ELMO1: variants seen among roughly 807,000 people sequenced by gnomAD.
ELMO1 encodes engulfment and cell motility protein 1.
ELMO1 carries 26 observed loss-of-function variants against 98.9 expected under a neutral mutation model. The observed-to-expected ratio is 0.26, with a 90% CI of 0.19 to 0.36. The LOEUF is 0.36. ELMO1 is among the 10% of genes least tolerant of loss of function. The pLI is 1.00. For synonymous variants in ELMO1, 346 were observed against 346.0 expected (o/e 1.00, Z 0.00); for missense variants, 627 against 935.2 (o/e 0.67, Z 4.30).
chr7:37,143,903 G>A (rs1318752398), intron 13 of ELMO1, among the ~76,000 whole-genome samples: 1 of 151,668 alleles, frequency 6.6e-6, no homozygotes, highest in Non-Finnish European at 1.5e-5. Flanking sequence ...TAGAGACAGG[G>A]TTTCCTCATG....
chr7:37,210,152 TAGAC>T (rs774271265), intron 13 of ELMO1, among the ~76,000 whole-genome samples: 50 of 152,238 alleles, frequency 3.3e-4, no homozygotes, highest in Non-Finnish European at 5.1e-4. Context: ...GGAAAGCAAT[TAGAC>T]AGTATCAAAA....
At chr7:37,076,751 G>A (rs1210988945) in intron 15 of ELMO1, among the ~76,000 whole-genome samples, 2 of 152,136 alleles carry the variant, frequency 1.3e-5, no homozygotes, top group Non-Finnish European at 1.5e-5. Context: ...ACCTCCTTCC[G>A]ACTGCCAGTG....
intron 16 of ELMO1, among the ~76,000 whole-genome samples, chr7:36,988,630 A>T (rs1329002525): frequency 6.6e-6 from 1 of 152,234 alleles, no homozygotes; most frequent in Non-Finnish European, 1.5e-5. Context: ...ATTTCAGAGA[A>T]AGTGACATCA....
intron 4 of ELMO1, among the ~76,000 whole-genome samples, chr7:37,301,013 A>G (rs879328290): frequency 6.6e-6 from 1 of 151,980 alleles, no homozygotes; most frequent in Middle Eastern, 3.4e-3. Context: ...GTATGTGTCG[A>G]GGAATTTATC....
At chr7:36,858,163 T>C (rs551118521) in intron 21 of ELMO1, among the ~76,000 whole-genome samples, 2 of 152,358 alleles carry the variant, frequency 1.3e-5, no homozygotes, top group South Asian at 2.1e-4. Flanking sequence ...GCCTACCATA[T>C]GTAAATTGTA....
Position 36,855,625 on chromosome 7 carries a change from T to G in ELMO1, c.2110A>C (p.Ile704Leu). The part of the protein sequence containing the change: ...IKLRLLDLEN[I>L]QIPDAPPPIP... ...GGCGGAGGTGCGTCAGGGATCTGGA[T>G]GTTTTCCAGGTCCAGGAGGCGGAGC... The change falls in exon 22 of 22, where the codon ATC becomes CTC. Residue 704 changes from isoleucine to leucine, a missense_variant. Physicochemically the swap from Ile to Leu is conservative, Grantham distance 5 (BLOSUM62 2). Transcript: ENST00000310758. The surrounding 1 kb of genome is among the most constrained non-coding windows in gnomAD (Gnocchi z 4.2). The G allele has an allele frequency of 6.2e-7, 1 of 1,614,116 alleles. No individual in the cohort carries two copies. Among genetic ancestry groups the G allele is most frequent in the Non-Finnish European group, 8.5e-7 (1 of 1,179,986 alleles).
intron 16 of ELMO1, among the ~76,000 whole-genome samples, chr7:36,988,761 A>G (rs1342379647): frequency 6.6e-6 from 1 of 152,206 alleles, no homozygotes; most frequent in Non-Finnish European, 1.5e-5. Flanking sequence ...AAAGAAGCCA[A>G]ATGTGAATGG....
chr7:36,952,964 C>CTTTT (rs70980904), intron 16 of ELMO1, among the ~76,000 whole-genome samples: 68 of 82,876 alleles, frequency 8.2e-4, no homozygotes, highest in Non-Finnish European at 1.4e-3. Flanking sequence ...AGTCACTACT[C>CTTTT]TTTTTTTTTT....
intron 16 of ELMO1, among the ~76,000 whole-genome samples, chr7:36,915,987 G>A (rs1331360799): frequency 6.6e-6 from 1 of 152,186 alleles, no homozygotes; most frequent in Admixed American, 6.5e-5. Flanking sequence ...CAGTGGTATG[G>A]GAGCTGGCGA....
rs1277836130 is a variant in ELMO1, at chr7:37,246,635, T to TA, written c.414-2245dup. Among the ~76,000 whole-genome samples the TA allele has an allele frequency of 2.0e-5, 3 of 152,204 alleles. 1 individual carries two copies. In the South Asian group the frequency reaches 6.2e-4, roughly 31 times the overall value. ...GATGAGAGAACACTGGATAAATCTG[T>TA]AAAAAACAAAATCTTGTGTTTCAGT... On this transcript the variant is annotated intron_variant, in intron 6 of 21. Transcript: ENST00000310758.
At chr7:37,020,815 TG>T (rs1794223361) in intron 15 of ELMO1, among the ~76,000 whole-genome samples, 1 of 152,202 alleles carries the variant, frequency 6.6e-6, no homozygotes, top group African/African-American at 2.4e-5. Context: ...ACACAATGGA[TG>T]TTTTGTTGTA....
chr7:37,419,256 A>G (rs1804366726), intron 1 of ELMO1, among the ~76,000 whole-genome samples: 1 of 152,236 alleles, frequency 6.6e-6, no homozygotes, highest in Non-Finnish European at 1.5e-5. Context: ...GAAGGCTATG[A>G]TAATTGAGAA....
intron 1 of ELMO1, among the ~76,000 whole-genome samples, chr7:37,364,173 G>A (rs984816285): frequency 6.6e-6 from 1 of 152,190 alleles, no homozygotes; most frequent in Non-Finnish European, 1.5e-5. Context: ...CTGTCAGCAG[G>A]CCAAACTTCA....
intron 16 of ELMO1, among the ~76,000 whole-genome samples, chr7:36,960,611 A>T (rs1584439051): frequency 7.5e-6 from 1 of 133,886 alleles, no homozygotes. Flanking sequence ...CCCCCCACTC[A>T]CTCACCCCTT....
At chr7:37,214,508 C>T (rs1444963538) in intron 11 of ELMO1, among the ~76,000 whole-genome samples, 2 of 151,672 alleles carry the variant, frequency 1.3e-5, no homozygotes, top group African/African-American at 4.8e-5. Context: ...GACTCTCAAC[C>T]TGACATCCAC....
At chr7:37,309,984 T>C (rs59814447) in intron 4 of ELMO1, among the ~76,000 whole-genome samples, 5,070 of 152,228 alleles carry the variant, frequency 0.033, 278 homozygotes, top group African/African-American at 0.12. Context: ...CAGAATGAAA[T>C]GTACAAATCC....
chr7:37,009,548 G>T lies in ELMO1; in HGVS notation c.1437+3751C>A, dbSNP rs535745887. Reference sequence around the variant, plus strand: ...TAAACTGGTGTCCCAAGGAAGGCGGGCTGCAGAAGCTATTCCTGCCTCTGA... The same window carrying T: ...TAAACTGGTGTCCCAAGGAAGGCGGTCTGCAGAAGCTATTCCTGCCTCTGA... On this transcript the variant is annotated intron_variant, in intron 16 of 21. Transcript: ENST00000310758. Among the ~76,000 whole-genome samples, 8 of 152,304 alleles carry T rather than the reference G, an allele frequency of 5.3e-5. No individual in the cohort carries two copies. In the East Asian group the frequency reaches 1.5e-3, roughly 29 times the overall value.
intron 8 of ELMO1, among the ~76,000 whole-genome samples, chr7:37,228,974 G>A (rs1029858056): frequency 5.9e-5 from 9 of 152,020 alleles, no homozygotes; most frequent in East Asian, 1.9e-4. Context: ...CCTGGGTGAC[G>A]GAGCGAGACT....
chr7:37,005,850 C>T (rs1793085727), intron 16 of ELMO1, among the ~76,000 whole-genome samples: 1 of 152,140 alleles, frequency 6.6e-6, no homozygotes, highest in East Asian at 1.9e-4. Flanking sequence ...GTCACCTGGT[C>T]TTCTCCCTGC....
Sources: allele counts gnomAD v4.1 joint callset (sites outside exome capture counted in the v4.1 genomes callset), GRCh38; gene constraint gnomAD v4.1.1; non-coding constraint Gnocchi (gnomAD v3.1); transcripts MANE v1.5; gene names NCBI Gene and HGNC (gene_info 2026-07-23, HGNC 2026-07-21).